The following WNK3 variants were observed in gnomAD, a reference collection of about 807,000 sequenced individuals.
WNK3 encodes the protein WNK lysine deficient protein kinase 3.
A neutral mutation model predicts 116.7 loss-of-function variants in WNK3; 18 were observed. That is an observed-to-expected ratio of 0.15 (90% CI 0.11 to 0.23). The LOEUF (loss-of-function observed/expected upper bound fraction) is 0.23. Among genes scored for constraint, WNK3 ranks in the 10% least tolerant of loss-of-function variants. WNK3 has a pLI of 1.00. For missense variants in WNK3, 993 were observed against 1,323.8 expected (o/e 0.75, Z 3.88); for synonymous variants, 404 against 469.4 (o/e 0.86, Z 1.80).
chrX:54,279,314 T>C (rs1404207646), intron 10 of WNK3, among the ~76,000 whole-genome samples: 7 of 111,152 alleles, frequency 6.3e-5, no homozygotes, highest in Admixed American at 9.7e-5. Flanking sequence ...AACTATAACA[T>C]TGCATTGTGC....
chrX:54,306,596 T>A (rs2068828102), intron 5 of WNK3, among the ~76,000 whole-genome samples: 1 of 110,899 alleles, frequency 9.0e-6, no homozygotes, highest in Admixed American at 9.7e-5. Context: ...AAAGATGACC[T>A]CATAGAAGAG....
chrX:54,261,469 A>G (rs1241268351), intron 10 of WNK3, among the ~76,000 whole-genome samples: 11 of 111,251 alleles, frequency 9.9e-5, no homozygotes, highest in African/African-American at 3.6e-4. Flanking sequence ...TTGCATATTG[A>G]TATAATGATG....
intron 1 of WNK3, among the ~76,000 whole-genome samples, chrX:54,337,594 A>AAATAAATG (rs2069258260): frequency 9.4e-6 from 1 of 106,358 alleles, no homozygotes; most frequent in African/African-American, 3.4e-5. Flanking sequence ...ATAAATAAAT[A>AAATAAATG]AATAAAATAT....
chrX:54,204,858 C>A (rs2067535817), intron 22 of WNK3, among the ~76,000 whole-genome samples: 1 of 112,204 alleles, frequency 8.9e-6, no homozygotes, highest in African/African-American at 3.2e-5. Flanking sequence ...TATTTTTGTG[C>A]CCAATCCCTT....
In WNK3 at chrX:54,261,203, T is replaced by C. The variant is rs782215423; in HGVS notation, c.2038-1865A>G. 9.2e-5 allele frequency among the ~76,000 whole-genome samples: 10 copies of C among 108,515 alleles called. 1 individual carries two copies. Among genetic ancestry groups the C allele is most frequent in the African/African-American group, 3.0e-4 (9 of 29,881 alleles). The allele number at this position is 108,515 out of a possible 115,157, so 94.2% of individuals were successfully genotyped here. ...CAAGAGGAATGCTTGAGCCCAGGAG[T>C]TTGAAGTTACAGTGACCTATGATTA... On this transcript the variant is annotated intron_variant, in intron 10 of 23. Transcript: ENST00000354646.
chrX:54,262,540 T>C (rs1177301248), intron 10 of WNK3, among the ~76,000 whole-genome samples: 1 of 111,718 alleles, frequency 9.0e-6, no homozygotes, highest in Non-Finnish European at 1.9e-5. Flanking sequence ...CTTTCCTTTC[T>C]TATTTCTACC....
Position 54,259,357 on chromosome X carries a change from T to C in WNK3, c.2038-19A>G, listed in dbSNP as rs939032550. On this transcript the variant is annotated intron_variant, in intron 10 of 23. Transcript: ENST00000354646. ...ATACAGGCTGTAAACAGTACAGACA[T>C]AAAACTTGCTATGATAACAGTAAAA... 3 of 1,063,566 alleles carry C rather than the reference T, an allele frequency of 2.8e-6. No individual in the cohort carries two copies. Among genetic ancestry groups the C allele is most frequent in the East Asian group, 6.3e-5 (2 of 31,622 alleles). 87.6% of individuals were successfully genotyped at this position (1,063,566 alleles called of 1,213,427 possible). A position where few individuals can be genotyped will look rare whatever the true frequency, so the allele number is the denominator to read the frequency against.
intron 10 of WNK3, among the ~76,000 whole-genome samples, chrX:54,281,969 C>T (rs2068521462): frequency 9.2e-6 from 1 of 108,159 alleles, no homozygotes; most frequent in Non-Finnish European, 1.9e-5. Flanking sequence ...TGGATATATG[C>T]CCAGAAGTGG....
chrX:54,253,905 G>C (rs2068162979), intron 13 of WNK3, 54 bp downstream of exon 13: 1 of 812,875 alleles, frequency 1.2e-6, no homozygotes, highest in African/African-American at 2.0e-5. Context: ...CAGAATTATA[G>C]GGGAAAAAAG....
intron 2 of WNK3, among the ~76,000 whole-genome samples, chrX:54,314,776 C>T (rs2068932736): frequency 9.0e-6 from 1 of 111,347 alleles, no homozygotes; most frequent in Non-Finnish European, 1.9e-5. Context: ...AAGTGAGATG[C>T]TGTCTCAAAA....
intron 1 of WNK3, among the ~76,000 whole-genome samples, chrX:54,349,612 G>A (rs2069485261): frequency 1.8e-5 from 2 of 111,858 alleles, no homozygotes; most frequent in African/African-American, 6.5e-5. Context: ...GTCTGAAACT[G>A]ACAAGCTGAT....
At chrX:54,211,285 T>C (rs1231716004) in intron 22 of WNK3, among the ~76,000 whole-genome samples, 7 of 108,140 alleles carry the variant, frequency 6.5e-5, no homozygotes, top group African/African-American at 2.4e-4. Context: ...CTACTAAAAA[T>C]AGAAAAATTA....
At chrX:54,233,988 A>G (rs781899189) in intron 20 of WNK3, among the ~76,000 whole-genome samples, 1 of 108,629 alleles carries the variant, frequency 9.2e-6, no homozygotes, top group South Asian at 4.1e-4. Context: ...TAATAATAAT[A>G]ATTGTAATAG....
At chrX:54,320,434 T>C (rs782202631) in intron 2 of WNK3, among the ~76,000 whole-genome samples, 37 of 112,637 alleles carry the variant, frequency 3.3e-4, no homozygotes, top group African/African-American at 1.1e-3. Flanking sequence ...ATAAAAGCTA[T>C]ATTATAAAAT....
chrX:54,283,693 T>C (rs1367033895), intron 10 of WNK3, among the ~76,000 whole-genome samples: 1 of 95,900 alleles, frequency 1.0e-5, no homozygotes, highest in Non-Finnish European at 2.0e-5. Context: ...GGCGTGAACC[T>C]GGGAGGCGGA....
intron 2 of WNK3, among the ~76,000 whole-genome samples, chrX:54,324,450 T>C (rs985907009): frequency 2.8e-4 from 32 of 112,297 alleles, no homozygotes; most frequent in Non-Finnish European, 4.7e-4. Context: ...CTGGGGAAAT[T>C]AATGCTATTT....
chrX:54,299,646 A>C (rs782600963), intron 6 of WNK3, among the ~76,000 whole-genome samples: 1 of 108,569 alleles, frequency 9.2e-6, no homozygotes, highest in African/African-American at 3.4e-5. Context: ...GGATGGTCTC[A>C]ATCTCTTGAT....
At chrX:54,257,264 T>C (rs782103830) in intron 11 of WNK3, among the ~76,000 whole-genome samples, 1 of 110,445 alleles carries the variant, frequency 9.1e-6, no homozygotes, top group East Asian at 2.9e-4. Flanking sequence ...GTGCCGCTGG[T>C]AGGAGCCCCA....
intron 11 of WNK3, among the ~76,000 whole-genome samples, chrX:54,256,198 T>C (rs949659233): frequency 8.9e-6 from 1 of 111,996 alleles, no homozygotes; most frequent in Non-Finnish European, 1.9e-5. Context: ...AAGAAAAATA[T>C]TGCCAGTGAT....
Sources: gnomAD v4.1 joint callset for allele counts (sites outside exome capture counted in the v4.1 genomes callset) on GRCh38, gnomAD v4.1.1 for gene constraint, MANE v1.5 for transcripts, NCBI Gene and HGNC (gene_info 2026-07-23, HGNC 2026-07-21) for gene names.